Variants in BICRAL observed in about 807,000 individuals in gnomAD.
The protein encoded by BICRAL is BRD4-interacting chromatin-remodeling complex-associated protein-like.
In BICRAL, 8 loss-of-function variants were observed where a neutral mutation model predicts 91.8. The ratio of observed to expected loss-of-function variants is 0.09; its 90% CI spans 0.05 to 0.16. The LOEUF (loss-of-function observed/expected upper bound fraction) is 0.16, where lower values mean the gene tolerates loss of function less well. Ranked by LOEUF, BICRAL falls within the 10% of genes least tolerant of loss-of-function variation. The pLI, the probability that BICRAL is intolerant of heterozygous loss-of-function variation, is 1.00. For synonymous variants in BICRAL, 445 were observed against 491.1 expected (o/e 0.91, Z 1.24); for missense variants, 1,038 against 1,310.9 (o/e 0.79, Z 3.21).
intron 1 of BICRAL, among the ~76,000 whole-genome samples, chr6:42,802,827 G>A (rs1344938494): frequency 2.6e-5 from 4 of 151,798 alleles, no homozygotes; most frequent in South Asian, 2.1e-4. Flanking sequence ...ACAGTCCTCC[G>A]TCCTCAGCCT....
chr6:42,857,614 A>AAAAAAAAAAAAT, intron 10 of BICRAL, among the ~76,000 whole-genome samples: 28 of 96,210 alleles, frequency 2.9e-4, no homozygotes, highest in South Asian at 6.6e-4. Flanking sequence ...AAAAAAAAAA[A>AAAAAAAAAAAAT]ATATATATAT....
intron 1 of BICRAL, among the ~76,000 whole-genome samples, chr6:42,805,380 TA>T (rs1408045755): frequency 6.6e-6 from 1 of 152,184 alleles, no homozygotes; most frequent in Non-Finnish European, 1.5e-5. Flanking sequence ...TCAGCTTAAA[TA>T]AAAGTCTTTG....
chr6:42,789,471 C>T lies in BICRAL; in HGVS notation c.-102+7370C>T, dbSNP rs139623990. 2.0e-4 allele frequency among the ~76,000 whole-genome samples: 31 copies of T among 152,002 alleles called. No individual in the cohort carries two copies. In the East Asian group the frequency reaches 6.0e-3, roughly 29 times the overall value. On this transcript the variant is annotated intron_variant, in intron 1 of 12. Transcript: ENST00000314073. ...GCCTGGCCAACATGGCAAAACTCAT[C>T]TCTACTAAAAATACAAAGAAAATAG...
At chr6:42,778,424 A>C (rs1355257960), upstream of BICRAL, among the ~76,000 whole-genome samples, 2 of 152,226 alleles carry the variant, frequency 1.3e-5, no homozygotes, top group African/African-American at 4.8e-5. Context: ...AATCAAGATA[A>C]TTAAACCTTA....
At chr6:42,832,456 T>G (rs1764514379) in intron 6 of BICRAL, among the ~76,000 whole-genome samples, 1 of 148,322 alleles carries the variant, frequency 6.7e-6, no homozygotes, top group Non-Finnish European at 1.5e-5. Flanking sequence ...AATGTATATA[T>G]CAATTTTTTA....
In BICRAL at chr6:42,867,666, G is replaced by A. The variant is rs1682839953; in HGVS notation, c.*2220G>A. ...AATCAGTGGAATTCTCAAGAGACAA[G>A]ATAAGCTTCATGTACATTTGTCACC... On this transcript the variant is annotated 3_prime_UTR_variant, in exon 13 of 13. Coordinates refer to ENST00000314073, the MANE Select transcript of BICRAL (RefSeq NM_001393499.1). The A allele has an allele frequency of 6.6e-6, 1 of 152,142 alleles. No homozygotes were observed. Among genetic ancestry groups the A allele is most frequent in the African/African-American group, 2.4e-5 (1 of 41,422 alleles). 9.4% of individuals were successfully genotyped at this position (152,142 alleles called of 1,614,324 possible).
chr6:42,824,241 A>C (rs1764224583), intron 5 of BICRAL, among the ~76,000 whole-genome samples: 1 of 131,100 alleles, frequency 7.6e-6, no homozygotes, highest in Non-Finnish European at 1.7e-5. Flanking sequence ...AAAAAATAAA[A>C]AAAATAAAAA....
intron 1 of BICRAL, among the ~76,000 whole-genome samples, chr6:42,759,675 G>C (rs184158427): frequency 6.6e-6 from 1 of 152,176 alleles, no homozygotes; most frequent in Non-Finnish European, 1.5e-5. Flanking sequence ...TTGCTCCTGG[G>C]TTCCTCTGTG....
intron 1 of BICRAL, among the ~76,000 whole-genome samples, chr6:42,760,948 G>A (rs1263162773): frequency 6.6e-6 from 1 of 151,994 alleles, no homozygotes. Context: ...CTTGAACCTG[G>A]GAGGTGGAGG....
Position 42,829,028 on chromosome 6 carries a change from A to G in BICRAL, c.695A>G (p.Asp232Gly), listed in dbSNP as rs757116152. ...HPSMMTINNLDGSQIILKGSG... is the reference protein window; with the variant it reads ...HPSMMTINNLGGSQIILKGSG... ...TCCATGATGACTATTAATAACCTAG[A>G]TGGATCTCAAATCATATTAAAGGGC... is the stretch of plus-strand genomic sequence containing the variant. The change falls in exon 6 of 13, where the codon GAT becomes GGT. Residue 232 changes from aspartate to glycine, a missense_variant. Around this residue, in one of 5 missense-constraint regions of BICRAL, gnomAD observed 532 missense variants for 724.9 expected, o/e 0.73. Coordinates refer to ENST00000314073, the MANE Select transcript of BICRAL (RefSeq NM_001393499.1). 3 of 1,613,976 alleles carry G rather than the reference A, an allele frequency of 1.9e-6. No homozygotes were observed. Among genetic ancestry groups the G allele is most frequent in the South Asian group, 2.2e-5 (2 of 91,086 alleles).
In BICRAL at chr6:42,866,518, C is replaced by A; in HGVS notation, c.*1072C>A. The A allele has an allele frequency of 5.5e-6, 1 of 183,014 alleles. No homozygotes were observed. The highest frequency in any genetic ancestry group is 1.2e-4 in the South Asian group (1 of 8,550). 11.3% of individuals were successfully genotyped at this position (183,014 alleles called of 1,614,324 possible). ...TGAAAATTATTATGTTGTAATTTTT[C>A]AGTTTAAACTTTAAGGAGACTCTGG... On this transcript the variant is annotated 3_prime_UTR_variant, in exon 13 of 13. Coordinates refer to ENST00000314073, the MANE Select transcript of BICRAL (RefSeq NM_001393499.1).
rs1476446316 is a variant in BICRAL, at chr6:42,770,411, TA to T, written c.-260-11427del. 4.7e-3 allele frequency among the ~76,000 whole-genome samples: 624 copies of T among 131,646 alleles called. 5 individuals carry two copies. Among genetic ancestry groups the T allele is most frequent in the African/African-American group, 0.018 (562 of 31,638 alleles). 86.4% of individuals were successfully genotyped at this position (131,646 alleles called of 152,430 possible). On this transcript the variant is annotated intron_variant, in intron 1 of 14. Transcript: ENST00000614467. ...GCCCGGCTAATTTTATTATTATTAT[TA>T]TTTTTTTTTTTTTTTTTTTGAGACG...
chr6:42,784,211 C>T (rs528659307), intron 1 of BICRAL, among the ~76,000 whole-genome samples: 5 of 152,210 alleles, frequency 3.3e-5, no homozygotes, highest in African/African-American at 9.6e-5. Context: ...AAGTTAAATA[C>T]GCTTTAAAAC....
chr6:42,845,883 GAA>G lies in BICRAL; in HGVS notation c.1840-6207_1840-6206del, dbSNP rs545484989. The stretch of plus-strand genomic sequence containing the variant: ...TAGAGACCATCCTGGCTAACACGGT[GAA>G]ACCCCGTCTCTACTAAAAATACAAA... On this transcript the variant is annotated intron_variant, in intron 6 of 12. Transcript: ENST00000314073. Among the ~76,000 whole-genome samples the G allele has an allele frequency of 1.8e-4, 27 of 147,998 alleles. 1 individual carries two copies. In the South Asian group the frequency reaches 5.9e-3, roughly 32 times the overall value.
rs1764392150 is a variant in BICRAL at position 42,829,108 on chromosome 6, A to G, written c.775A>G (p.Thr259Ala). The change falls in exon 6 of 13, where the codon ACT becomes GCT. Residue 259 changes from threonine (T) to alanine (A), a missense_variant. This residue lies in a region of BICRAL where 532 missense variants were observed against 724.9 expected (regional missense o/e 0.73). Transcript: ENST00000314073. ...VSGGLLVHRQ[T>A]PNGNSLFGNS... The stretch of plus-strand genomic sequence containing the variant: ...TGGAGGGCTCCTGGTTCATAGACAG[A>G]CTCCTAATGGCAACTCCTTGTTTGG... 6.2e-7 allele frequency: 1 copy of G among 1,613,776 alleles called. No individual in the cohort carries two copies.
chr6:42,857,637 T>TATATATATATATATA (rs1554283197), intron 10 of BICRAL, among the ~76,000 whole-genome samples: 5 of 94,184 alleles, frequency 5.3e-5, no homozygotes, highest in African/African-American at 2.7e-4. Context: ...ATATATATAT[T>TATATATATATATATA]TTTTAGGAGG....
chr6:42,805,571 A>G (rs145224378), intron 1 of BICRAL, among the ~76,000 whole-genome samples: 7 of 152,320 alleles, frequency 4.6e-5, no homozygotes, highest in Non-Finnish European at 8.8e-5. Context: ...TGCTAAGTTC[A>G]TTTTTAAAAT....
In BICRAL at chr6:42,761,770, G is replaced by C. The variant is rs533447407; in HGVS notation, c.-261+14747G>C. 9.2e-5 allele frequency among the ~76,000 whole-genome samples: 14 copies of C among 151,596 alleles called. No homozygotes were observed. The South Asian group carries it at 2.9e-3, about 32-fold the overall frequency. ...TATAAAAAATACCAAAAAAAATAGC[G>C]AGACATGGTGGCACAGGCCTGTAGT... is the stretch of plus-strand genomic sequence containing the variant. On this transcript the variant is annotated intron_variant, in intron 1 of 14. Coordinates refer to the BICRAL transcript ENST00000614467.
intron 6 of BICRAL, among the ~76,000 whole-genome samples, chr6:42,847,953 CCT>C (rs2114004808): frequency 6.6e-6 from 1 of 152,098 alleles, no homozygotes; most frequent in East Asian, 1.9e-4. Context: ...CACAGTGAAA[CCT>C]CATCTCTACT....
Sources: gnomAD v4.1 joint callset for allele counts (sites outside exome capture counted in the v4.1 genomes callset) on GRCh38, gnomAD v4.1.1 for gene constraint, gnomAD v4.1.1 regional missense constraint, MANE v1.5 for transcripts, NCBI Gene and HGNC (gene_info 2026-07-23, HGNC 2026-07-21) for gene names.